The following PCDH9 variants were observed in gnomAD, a reference collection of about 807,000 sequenced individuals.
The protein encoded by PCDH9 is protocadherin 9, also known as protocadherin-9.
A neutral mutation model predicts 70.6 loss-of-function variants in PCDH9; 24 were observed. That is an observed-to-expected ratio of 0.34 (90% CI 0.25 to 0.48). PCDH9 has a LOEUF of 0.48. PCDH9 is among the 20% of genes least tolerant of loss of function. The probability of loss-of-function intolerance (pLI) is 0.99; values close to 1 mark genes in which losing one functional copy is unlikely to be tolerated. For missense variants in PCDH9, 1,281 were observed against 1,503.6 expected (o/e 0.85, Z 2.45); for synonymous variants, 562 against 558.5 (o/e 1.01, Z -0.09).
intron 3 of PCDH9, among the ~76,000 whole-genome samples, chr13:66,902,951 C>T (rs1272562853): frequency 1.3e-5 from 2 of 151,458 alleles, no homozygotes; most frequent in Admixed American, 6.6e-5. Flanking sequence ...TGTGGATGAA[C>T]TAACTTTTTT....
At position 66,347,736 on chromosome 13, in the gene PCDH9, C is replaced by G. The variant is rs1322148167; in HGVS notation, c.3341-42708G>C. ...GTCCTGCAAGCACCTGTAAGCCTAG[C>G]TCTGCCGACCTTCAGCTGTGTCCAT... is the stretch of plus-strand genomic sequence containing the variant. On this transcript the variant is annotated intron_variant, in intron 4 of 4. Coordinates refer to ENST00000377865, the MANE Select transcript of PCDH9 (RefSeq NM_203487.3). 5.3e-5 allele frequency among the ~76,000 whole-genome samples: 8 copies of G among 152,196 alleles called. No homozygotes were observed. In the East Asian group the frequency reaches 1.4e-3, roughly 26 times the overall value.
chr13:66,423,962 A>C (rs1957619691), intron 4 of PCDH9, among the ~76,000 whole-genome samples: 1 of 152,196 alleles, frequency 6.6e-6, no homozygotes, highest in Admixed American at 6.5e-5. Context: ...TAAGCTGATA[A>C]GCAACTTCAG....
chr13:67,102,258 T>C (rs558712480), intron 2 of PCDH9, among the ~76,000 whole-genome samples: 15 of 152,198 alleles, frequency 9.9e-5, no homozygotes, highest in African/African-American at 3.6e-4. Flanking sequence ...AAAATAATCA[T>C]AGGCTTGTAC....
chr13:67,131,830 A>G (rs2087118649), intron 2 of PCDH9, among the ~76,000 whole-genome samples: 2 of 152,194 alleles, frequency 1.3e-5, no homozygotes, highest in Admixed American at 1.3e-4. Context: ...AGTGTCGTTG[A>G]GACAGAGATG....
chr13:66,948,957 G>A (rs1425339184), intron 2 of PCDH9, among the ~76,000 whole-genome samples: 1 of 151,590 alleles, frequency 6.6e-6, no homozygotes, highest in Admixed American at 6.6e-5. Flanking sequence ...AAATTACTAC[G>A]TTAGAGCACA....
intron 2 of PCDH9, chr13:67,223,631 T>G (rs1395135356): frequency 2.0e-5 from 3 of 152,150 alleles, no homozygotes; most frequent in Non-Finnish European, 4.4e-5. Flanking sequence ...ACTATTTAAC[T>G]TTTAAAAACC....
chr13:67,009,905 T>TAAAG (rs1435146295), intron 2 of PCDH9, among the ~76,000 whole-genome samples: 1 of 151,992 alleles, frequency 6.6e-6, no homozygotes, highest in Non-Finnish European at 1.5e-5. Context: ...TTATATTTAA[T>TAAAG]AAAGAAATGT....
intron 2 of PCDH9, among the ~76,000 whole-genome samples, chr13:67,178,599 C>T (rs1594618856): frequency 6.6e-6 from 1 of 152,002 alleles, no homozygotes; most frequent in East Asian, 1.9e-4. Flanking sequence ...TATGTAGTAG[C>T]AGCCACATCC....
chr13:66,378,881 A>G (rs1041063435), intron 4 of PCDH9, among the ~76,000 whole-genome samples: 1 of 151,870 alleles, frequency 6.6e-6, no homozygotes. Context: ...AGGTCATTCA[A>G]TTCTGTGAAC....
chr13:66,437,404 C>CAAAAAAA (rs66796123), intron 4 of PCDH9, among the ~76,000 whole-genome samples: 2,284 of 45,428 alleles, frequency 0.05, 354 homozygotes, highest in South Asian at 0.069. Flanking sequence ...GACTCTGTCT[C>CAAAAAAA]AAAAAAAAAA....
intron 2 of PCDH9, among the ~76,000 whole-genome samples, chr13:67,082,418 T>A (rs1057122516): frequency 1.3e-5 from 2 of 152,194 alleles, no homozygotes; most frequent in Non-Finnish European, 2.9e-5. Context: ...AACAGCAGGA[T>A]TTCCTTTCTT....
intron 3 of PCDH9, among the ~76,000 whole-genome samples, chr13:66,675,573 A>AT (rs1449500853): frequency 6.6e-6 from 1 of 152,092 alleles, no homozygotes; most frequent in African/African-American, 2.4e-5. Flanking sequence ...TCATTCATGA[A>AT]TTTTGAATAG....
chr13:66,522,346 A>G (rs1235906085), intron 4 of PCDH9, among the ~76,000 whole-genome samples: 2 of 152,116 alleles, frequency 1.3e-5, no homozygotes, highest in African/African-American at 4.8e-5. Context: ...TAAACGGAAG[A>G]TCCTTGGAAA....
At chr13:66,881,605 T>A (rs1163750594) in intron 3 of PCDH9, among the ~76,000 whole-genome samples, 3 of 152,180 alleles carry the variant, frequency 2.0e-5, no homozygotes, top group African/African-American at 7.2e-5. Context: ...TATAATAATA[T>A]ATGATTCTGA....
At chr13:67,185,855 C>T (rs1457970326) in intron 2 of PCDH9, among the ~76,000 whole-genome samples, 1 of 152,180 alleles carries the variant, frequency 6.6e-6, no homozygotes, top group Non-Finnish European at 1.5e-5. Flanking sequence ...GCTTCGGCCT[C>T]CCAAGTAGCT....
At chr13:66,371,966 G>T (rs1956663368) in intron 4 of PCDH9, among the ~76,000 whole-genome samples, 1 of 151,904 alleles carries the variant, frequency 6.6e-6, no homozygotes, top group African/African-American at 2.4e-5. Context: ...CTTTCTCCTT[G>T]TTTTTTCTCT....
intron 3 of PCDH9, among the ~76,000 whole-genome samples, chr13:66,858,525 A>T (rs1010503693): frequency 9.9e-5 from 15 of 152,170 alleles, no homozygotes; most frequent in African/African-American, 3.1e-4. Context: ...TCATTGGCAC[A>T]TAATTTCCCT....
chr13:67,210,035 A>C (rs2089437053), intron 2 of PCDH9: 1 of 152,092 alleles, frequency 6.6e-6, no homozygotes, highest in Admixed American at 6.6e-5. Flanking sequence ...TATTACATTT[A>C]CACATTATTG....
intron 2 of PCDH9, among the ~76,000 whole-genome samples, chr13:67,095,320 C>G (rs2086298171): frequency 6.6e-6 from 1 of 152,028 alleles, no homozygotes. Flanking sequence ...TGGATCTGAA[C>G]TCTAGGTTAT....
Sources: allele counts gnomAD v4.1 joint callset (sites outside exome capture counted in the v4.1 genomes callset), GRCh38; gene constraint gnomAD v4.1.1; transcripts MANE v1.5; gene names NCBI Gene and HGNC (gene_info 2026-07-23, HGNC 2026-07-21).